The following SEMA6D variants were observed in gnomAD, a reference collection of about 807,000 sequenced individuals.
The protein encoded by SEMA6D is semaphorin 6D.
In SEMA6D, 35 loss-of-function variants were observed where a neutral mutation model predicts 106.6. That is an observed-to-expected ratio of 0.33 (90% CI 0.25 to 0.44). SEMA6D has a LOEUF of 0.44. Among genes scored for constraint, SEMA6D ranks in the 20% least tolerant of loss-of-function variants. The pLI is 1.00. For synonymous variants in SEMA6D, 499 were observed against 487.7 expected (o/e 1.02, Z -0.31); for missense variants, 1,185 against 1,345.9 (o/e 0.88, Z 1.87).
chr15:47,627,369 A>C (rs969287718), intron 4 of SEMA6D, among the ~76,000 whole-genome samples: 1 of 152,172 alleles, frequency 6.6e-6, no homozygotes. Context: ...ATGTGGAAGT[A>C]AGTAAACAAA....
intron 2 of SEMA6D, among the ~76,000 whole-genome samples, chr15:47,434,425 T>A (rs1487526989): frequency 6.6e-6 from 1 of 152,090 alleles, no homozygotes; most frequent in Non-Finnish European, 1.5e-5. Context: ...AAGTGAGCTA[T>A]CTGAGTCAAA....
chr15:47,463,444 G>A (rs1329917690), intron 2 of SEMA6D, among the ~76,000 whole-genome samples: 1 of 152,168 alleles, frequency 6.6e-6, no homozygotes, highest in East Asian at 1.9e-4. Context: ...AACACATGCA[G>A]TACATTTGCA....
intron 1 of SEMA6D, among the ~76,000 whole-genome samples, chr15:47,190,654 T>C (rs1321702117): frequency 6.6e-6 from 1 of 152,238 alleles, no homozygotes; most frequent in Non-Finnish European, 1.5e-5. Flanking sequence ...GTTTTATACA[T>C]GACCTCATGA....
chr15:47,757,473 G>T (rs139255890), intron 1 of SEMA6D, among the ~76,000 whole-genome samples: 1 of 152,132 alleles, frequency 6.6e-6, no homozygotes, highest in Admixed American at 6.6e-5. Context: ...GTATGGAAAA[G>T]CAAGACAAGA....
chr15:47,258,921 C>T (rs1485061065), intron 1 of SEMA6D, among the ~76,000 whole-genome samples: 1 of 151,932 alleles, frequency 6.6e-6, no homozygotes, highest in East Asian at 1.9e-4. Flanking sequence ...TTCTTGCCTT[C>T]TGTGTATTAC....
intron 1 of SEMA6D, among the ~76,000 whole-genome samples, chr15:47,262,778 CCCTA>C (rs1232789520): frequency 2.0e-5 from 3 of 152,100 alleles, no homozygotes; most frequent in African/African-American, 7.2e-5. Context: ...GGAGGCACCA[CCCTA>C]CCTGACTTCA....
intron 1 of SEMA6D, among the ~76,000 whole-genome samples, chr15:47,254,351 AT>A (rs2033684467): frequency 2.0e-5 from 3 of 148,048 alleles, no homozygotes; most frequent in African/African-American, 7.4e-5. Context: ...ATATATATAT[AT>A]AAATGATTGT....
chr15:47,242,974 A>G (rs2033000438), intron 1 of SEMA6D, among the ~76,000 whole-genome samples: 1 of 152,136 alleles, frequency 6.6e-6, no homozygotes, highest in South Asian at 2.1e-4. Flanking sequence ...TTGTTTGAGG[A>G]TGTACTAGCT....
intron 4 of SEMA6D, among the ~76,000 whole-genome samples, chr15:47,630,089 T>C (rs546193979): frequency 6.6e-6 from 1 of 152,058 alleles, no homozygotes; most frequent in Admixed American, 6.6e-5. Flanking sequence ...TGGGACCATA[T>C]GGCAATTCTA....
chr15:47,734,698 T>C (rs1596864527), intron 1 of SEMA6D, among the ~76,000 whole-genome samples: 1 of 152,190 alleles, frequency 6.6e-6, no homozygotes, highest in South Asian at 2.1e-4. Flanking sequence ...ACATGGCTGG[T>C]AATCTTGATA....
intron 1 of SEMA6D, among the ~76,000 whole-genome samples, chr15:47,358,385 G>A (rs561240848): frequency 1.9e-4 from 29 of 152,206 alleles, no homozygotes; most frequent in Middle Eastern, 6.8e-3. Flanking sequence ...TCCTTCCCAA[G>A]TTTATTTACA....
At chr15:47,493,756 A>G (rs1274567518) in intron 3 of SEMA6D, among the ~76,000 whole-genome samples, 1 of 152,174 alleles carries the variant, frequency 6.6e-6, no homozygotes, top group Non-Finnish European at 1.5e-5. Flanking sequence ...GCTAAGAGAA[A>G]CAAAGTAATT....
intron 1 of SEMA6D, among the ~76,000 whole-genome samples, chr15:47,742,974 A>G (rs1303374761): frequency 6.6e-6 from 1 of 152,134 alleles, no homozygotes. Context: ...CAATCTTTTC[A>G]CCAATGTTTA....
chr15:47,220,638 G>A (rs545568903), intron 1 of SEMA6D, among the ~76,000 whole-genome samples: 5 of 152,236 alleles, frequency 3.3e-5, no homozygotes, highest in South Asian at 4.1e-4. Flanking sequence ...TACCAAGGTC[G>A]TATAGACATT....
Position 47,489,766 on chromosome 15 carries a change from C to T in SEMA6D, c.-87+19221C>T, listed in dbSNP as rs746114948. 2.9e-4 allele frequency among the ~76,000 whole-genome samples: 44 copies of T among 152,096 alleles called. 1 individual carries two copies. Among genetic ancestry groups the T allele is most frequent in the Admixed American group, 2.6e-4 (4 of 15,276 alleles). On this transcript the variant is annotated intron_variant, in intron 3 of 19. Transcript: ENST00000558014. ...TCCCAGGTTCAAGCGATTCTCCTGCCTCAGCCTCCCGAGTAGCTGGGATTA... is the reference window on the plus strand; with the variant it reads ...TCCCAGGTTCAAGCGATTCTCCTGCTTCAGCCTCCCGAGTAGCTGGGATTA...
chr15:47,295,656 A>G (rs185609870), intron 1 of SEMA6D, among the ~76,000 whole-genome samples: 202 of 152,324 alleles, frequency 1.3e-3, no homozygotes, highest in Non-Finnish European at 2.1e-3. Context: ...AAAGATACAG[A>G]ATGTTCTCTT....
At chr15:47,376,495 T>A (rs1233386870) in intron 1 of SEMA6D, among the ~76,000 whole-genome samples, 1 of 152,232 alleles carries the variant, frequency 6.6e-6, no homozygotes, top group African/African-American at 2.4e-5. Flanking sequence ...TGTGAATGGT[T>A]GTTTATAACT....
Position 47,764,847 on chromosome 15 carries a change from G to A in SEMA6D, c.1254-36G>A, listed in dbSNP as rs185359083. 4.8e-4 allele frequency: 778 copies of A among 1,613,346 alleles called. 5 individuals carry two copies. The African/African-American group carries it at 9.4e-3, about 19-fold the overall frequency. On this transcript the variant is annotated intron_variant, in intron 12 of 18. Transcript: ENST00000536845. ...TATTCAACGTTTTCTCTGCCCGTTG[G>A]CCTCCCCTTCTGATCTGTGCCGCCT... is the stretch of plus-strand genomic sequence containing the variant.
intron 2 of SEMA6D, among the ~76,000 whole-genome samples, chr15:47,455,730 T>A (rs2140978373): frequency 6.6e-6 from 1 of 152,038 alleles, no homozygotes; most frequent in East Asian, 1.9e-4. Context: ...TGATGAATTA[T>A]GAAGATGAGA....
Sources: allele counts gnomAD v4.1 joint callset (sites outside exome capture counted in the v4.1 genomes callset), GRCh38; gene constraint gnomAD v4.1.1; transcripts MANE v1.5; gene names NCBI Gene and HGNC (gene_info 2026-07-23, HGNC 2026-07-21).